The following MARCHF1 variants were observed in gnomAD, a reference collection of about 807,000 sequenced individuals.
MARCHF1 encodes the protein E3 ubiquitin-protein ligase MARCHF1.
MARCHF1 carries 40 observed loss-of-function variants against 54.2 expected under a neutral mutation model. The observed-to-expected ratio is 0.74, with a 90% CI of 0.57 to 0.96. MARCHF1 has a LOEUF of 0.96. Among genes scored for constraint, MARCHF1 ranks in the 40% least tolerant of loss-of-function variants. MARCHF1 has a pLI of 0.00. For synonymous variants in MARCHF1, 236 were observed against 236.3 expected, an observed-to-expected ratio of 1.00 and a Z score of 0.01; for missense variants, 586 against 656.5, an observed-to-expected ratio of 0.89 and a Z score of 1.17.
intron 5 of MARCHF1, among the ~76,000 whole-genome samples, chr4:163,677,393 G>A (rs1199144073): frequency 1.3e-5 from 2 of 152,010 alleles, no homozygotes; most frequent in African/African-American, 4.8e-5. Context: ...TCACCAAACT[G>A]GCCTTCCATG....
chr4:163,559,111 A>G (rs896103321), intron 8 of MARCHF1, among the ~76,000 whole-genome samples: 1 of 152,168 alleles, frequency 6.6e-6, no homozygotes, highest in African/African-American at 2.4e-5. Context: ...CTTCAGCATT[A>G]AAACCTATTT....
intron 1 of MARCHF1, among the ~76,000 whole-genome samples, chr4:164,144,874 A>T: frequency 8.2e-6 from 1 of 122,298 alleles, no homozygotes; most frequent in South Asian, 2.9e-4. Context: ...AAAATTAATG[A>T]ATCCAGGAGC....
chr4:164,268,306 G>A (rs143803917), intron 1 of MARCHF1, among the ~76,000 whole-genome samples: 6,532 of 152,120 alleles, frequency 0.043, 428 homozygotes, highest in African/African-American at 0.15. Flanking sequence ...TGTGTCACCC[G>A]AAGTCTTCAG....
chr4:163,745,115 CTTTTTTT>C (rs537922396), intron 4 of MARCHF1, among the ~76,000 whole-genome samples: 1 of 139,378 alleles, frequency 7.2e-6, no homozygotes, highest in Non-Finnish European at 1.6e-5. Context: ...TTCTTTCTTT[CTTTTTTT>C]TTTTTTTTGA....
At chr4:163,880,366 T>A (rs574114170) in intron 3 of MARCHF1, among the ~76,000 whole-genome samples, 1 of 151,328 alleles carries the variant, frequency 6.6e-6, no homozygotes, top group East Asian at 1.9e-4. Flanking sequence ...AAGTATAATT[T>A]ATAATTGCCT....
chr4:163,992,192 T>C lies in MARCHF1; in HGVS notation c.-247-3483A>G, dbSNP rs193118172. On this transcript the variant is annotated intron_variant, in intron 2 of 9. Transcript: ENST00000514618. ...AACATCTGCTAACACATTAAATGGA[T>C]AGACTGAAAATTCAATTCGATAAAC... 7.3e-3 allele frequency among the ~76,000 whole-genome samples: 1,111 copies of C among 151,698 alleles called. 13 individuals carry two copies. Among genetic ancestry groups the C allele is most frequent in the African/African-American group, 0.026 (1,061 of 41,344 alleles).
chr4:164,258,145 G>T (rs1018059652), intron 1 of MARCHF1, among the ~76,000 whole-genome samples: 2 of 152,036 alleles, frequency 1.3e-5, no homozygotes, highest in South Asian at 4.1e-4. Flanking sequence ...AGCAAACACG[G>T]GAACAGAAAA....
intron 3 of MARCHF1, among the ~76,000 whole-genome samples, chr4:163,873,069 A>AC (rs1282656449): frequency 2.3e-5 from 3 of 131,444 alleles, no homozygotes; most frequent in Admixed American, 7.9e-5. Context: ...AAACAAACAA[A>AC]AAAAAACAAA....
chr4:163,568,481 G>A (rs989981695), intron 8 of MARCHF1, among the ~76,000 whole-genome samples: 2 of 152,120 alleles, frequency 1.3e-5, no homozygotes, highest in African/African-American at 4.8e-5. Flanking sequence ...TGTAGGCTAT[G>A]TGGAAACCAG....
At chr4:163,878,623 T>C (rs1338465905) in intron 3 of MARCHF1, among the ~76,000 whole-genome samples, 1 of 152,196 alleles carries the variant, frequency 6.6e-6, no homozygotes, top group Non-Finnish European at 1.5e-5. Flanking sequence ...AATCCATTTC[T>C]CTCTTGGATG....
intron 2 of MARCHF1, among the ~76,000 whole-genome samples, chr4:164,047,835 G>A (rs1343770278): frequency 2.0e-5 from 3 of 152,068 alleles, no homozygotes; most frequent in Non-Finnish European, 2.9e-5. Flanking sequence ...GCAATTTTTT[G>A]TGGGCAAATA....
chr4:163,648,821 A>G (rs1560997100), intron 5 of MARCHF1, among the ~76,000 whole-genome samples: 1 of 151,924 alleles, frequency 6.6e-6, no homozygotes, highest in Non-Finnish European at 1.5e-5. Flanking sequence ...TGTTTGAAAA[A>G]ACTGAAACAT....
intron 2 of MARCHF1, among the ~76,000 whole-genome samples, chr4:164,084,506 T>C (rs1003975285): frequency 6.6e-6 from 1 of 151,936 alleles, no homozygotes; most frequent in African/African-American, 2.4e-5. Flanking sequence ...AAAAACTTTT[T>C]ATTTGTAGAA....
chr4:163,660,131 T>G (rs140562640), intron 5 of MARCHF1, among the ~76,000 whole-genome samples: 2,404 of 152,084 alleles, frequency 0.016, 49 homozygotes, highest in East Asian at 0.081. Flanking sequence ...CTATTTACAA[T>G]AGTAAAGACT....
chr4:163,641,298 A>C (rs1306403258), intron 5 of MARCHF1, among the ~76,000 whole-genome samples: 1 of 152,176 alleles, frequency 6.6e-6, no homozygotes, highest in Non-Finnish European at 1.5e-5. Flanking sequence ...GAAATCAAAT[A>C]AGAATACTAT....
chr4:163,920,270 G>A (rs561614595), intron 3 of MARCHF1, among the ~76,000 whole-genome samples: 33 of 152,212 alleles, frequency 2.2e-4, no homozygotes, highest in African/African-American at 7.7e-4. Flanking sequence ...TGGAAACATA[G>A]ACTTAATATT....
intron 5 of MARCHF1, among the ~76,000 whole-genome samples, chr4:163,622,827 C>T (rs573723467): frequency 2.6e-5 from 4 of 152,236 alleles, no homozygotes; most frequent in South Asian, 4.1e-4. Context: ...CTTCCTTTGA[C>T]AATTCACAAC....
chr4:163,933,609 T>C (rs1400026144), intron 3 of MARCHF1, among the ~76,000 whole-genome samples: 2 of 152,264 alleles, frequency 1.3e-5, no homozygotes, highest in Non-Finnish European at 2.9e-5. Context: ...ATGTAGTTAA[T>C]TACAATTTAA....
chr4:163,686,629 C>T lies in MARCHF1; in HGVS notation c.162+14184G>A, dbSNP rs558985417. Among the ~76,000 whole-genome samples the T allele has an allele frequency of 1.4e-4, 22 of 151,864 alleles. No individual in the cohort carries two copies. The South Asian group carries it at 4.0e-3, about 27-fold the overall frequency. On this transcript the variant is annotated intron_variant, in intron 5 of 9. Transcript: ENST00000514618. The stretch of plus-strand genomic sequence containing the variant: ...TACTTGGAAAAATTTCATCTCCTAG[C>T]TAAAATGTTGAACTCAGTACTTCAC...
Sources: allele counts gnomAD v4.1 joint callset (sites outside exome capture counted in the v4.1 genomes callset), GRCh38; gene constraint gnomAD v4.1.1; transcripts MANE v1.5; gene names NCBI Gene and HGNC (gene_info 2026-07-23, HGNC 2026-07-21).